Variants in TMEM117 observed in about 807,000 individuals in gnomAD.
The protein encoded by TMEM117 is transmembrane protein 117.
Under a neutral mutation model 52.4 loss-of-function variants are expected in TMEM117, and 27 were observed. The observed-to-expected ratio is 0.51, with a 90% CI of 0.38 to 0.71. TMEM117 has a LOEUF of 0.71. Among genes scored for constraint, TMEM117 ranks in the 30% least tolerant of loss-of-function variants. The pLI, the probability that TMEM117 is intolerant of heterozygous loss-of-function variation, is 0.00. For synonymous variants in TMEM117, 215 were observed against 206.3 expected (o/e 1.04, Z -0.36); for missense variants, 556 against 630.5 (o/e 0.88, Z 1.26).
At chr12:43,954,393 TAG>T (rs1945274223) in intron 3 of TMEM117, among the ~76,000 whole-genome samples, 1 of 151,104 alleles carries the variant, frequency 6.6e-6, no homozygotes, top group South Asian at 2.1e-4. Context: ...ATCAATAAAG[TAG>T]ATTGCTAGTG....
chr12:43,961,749 G>A (rs984795783), intron 3 of TMEM117, among the ~76,000 whole-genome samples: 3 of 152,076 alleles, frequency 2.0e-5, no homozygotes, highest in Admixed American at 1.3e-4. Flanking sequence ...GTGTGTATTC[G>A]TTATCTAGAG....
intron 3 of TMEM117, among the ~76,000 whole-genome samples, chr12:43,964,401 T>C (rs1276577690): frequency 6.6e-6 from 1 of 152,210 alleles, no homozygotes; most frequent in Non-Finnish European, 1.5e-5. Context: ...AGGGATTATA[T>C]ACTTCCTGAT....
chr12:44,214,665 A>C (rs1025901050), intron 5 of TMEM117, among the ~76,000 whole-genome samples: 1 of 152,212 alleles, frequency 6.6e-6, no homozygotes, highest in Non-Finnish European at 1.5e-5. Flanking sequence ...AATATATTAG[A>C]GAGATTGTTT....
At chr12:43,928,131 T>C (rs917148728) in intron 2 of TMEM117, among the ~76,000 whole-genome samples, 2 of 152,102 alleles carry the variant, frequency 1.3e-5, no homozygotes, top group African/African-American at 4.8e-5. Flanking sequence ...AAAAGCTAGC[T>C]ATTCTAAAGC....
chr12:43,840,715 C>G (rs553428241), intron 1 of TMEM117, among the ~76,000 whole-genome samples: 1 of 152,310 alleles, frequency 6.6e-6, no homozygotes, highest in East Asian at 1.9e-4. Flanking sequence ...GTGAGGGAGA[C>G]AAACACATAC....
intron 6 of TMEM117, among the ~76,000 whole-genome samples, chr12:44,355,977 T>C (rs1208492256): frequency 6.6e-6 from 1 of 151,924 alleles, no homozygotes; most frequent in Non-Finnish European, 1.5e-5. Flanking sequence ...AGCAGGTTCA[T>C]GGACATTGTC....
intron 3 of TMEM117, among the ~76,000 whole-genome samples, chr12:44,045,138 C>T (rs1565805488): frequency 6.6e-6 from 1 of 152,158 alleles, no homozygotes; most frequent in African/African-American, 2.4e-5. Context: ...CCCCAGTCAC[C>T]CCTGTCATTG....
chr12:43,956,229 T>C (rs1454409243), intron 3 of TMEM117, among the ~76,000 whole-genome samples: 1 of 152,164 alleles, frequency 6.6e-6, no homozygotes, highest in Non-Finnish European at 1.5e-5. Flanking sequence ...GACATAGGCA[T>C]GGGCAAAGAC....
Position 44,049,297 on chromosome 12 carries a change from C to T in TMEM117, c.411-94228C>T, listed in dbSNP as rs552677319. Among the ~76,000 whole-genome samples, 220 of 152,230 alleles carry T rather than the reference C, an allele frequency of 1.4e-3. 1 individual carries two copies. The highest frequency in any genetic ancestry group is 5.2e-3 in the African/African-American group (218 of 41,550). On this transcript the variant is annotated intron_variant, in intron 3 of 7. Coordinates refer to ENST00000266534, the MANE Select transcript of TMEM117 (RefSeq NM_032256.3). ...GGATGAAGCTGGAAGCCATCATCCT[C>T]AGCAAACTAACACAGGAACAGAAAA...
intron 2 of TMEM117, among the ~76,000 whole-genome samples, chr12:43,862,501 A>G (rs1420978534): frequency 3.9e-5 from 6 of 152,268 alleles, no homozygotes; most frequent in East Asian, 3.8e-4. Flanking sequence ...TAGAGTTGGC[A>G]TAACTCCAAG....
intron 4 of TMEM117, among the ~76,000 whole-genome samples, chr12:44,200,567 C>T (rs1949482015): frequency 1.3e-5 from 2 of 152,222 alleles, no homozygotes; most frequent in African/African-American, 2.4e-5. Context: ...TCTTAGAAAT[C>T]GCTTTAAATA....
At chr12:43,806,080 G>T in the TMEM117 span, 1 of 1,518,194 alleles carries the variant, frequency 6.6e-7, no homozygotes, top group East Asian at 2.5e-5. Context: ...AGCGCGGAGA[G>T]GCGCCGAGGC....
intron 6 of TMEM117, among the ~76,000 whole-genome samples, chr12:44,333,503 C>T (rs983531651): frequency 6.6e-6 from 1 of 151,904 alleles, no homozygotes; most frequent in Non-Finnish European, 1.5e-5. Context: ...GAGGCAGTTA[C>T]CCCCATGCTG....
chr12:44,291,341 C>A (rs1307595501), intron 5 of TMEM117, among the ~76,000 whole-genome samples: 3 of 139,362 alleles, frequency 2.2e-5, no homozygotes, highest in Non-Finnish European at 4.7e-5. Flanking sequence ...TTTTGTCCTG[C>A]AACTTTACTC....
At chr12:44,056,236 A>G (rs1339520383) in intron 3 of TMEM117, among the ~76,000 whole-genome samples, 1 of 152,078 alleles carries the variant, frequency 6.6e-6, no homozygotes, top group Non-Finnish European at 1.5e-5. Context: ...ACACCACTGC[A>G]CTCCATTGTA....
chr12:44,358,249 C>T (rs1333744820), intron 6 of TMEM117, among the ~76,000 whole-genome samples: 1 of 152,026 alleles, frequency 6.6e-6, no homozygotes, highest in African/African-American at 2.4e-5. Context: ...CAGGATCAAT[C>T]ATACCACAAA....
chr12:44,396,373 A>T, the TMEM117 span, among the ~76,000 whole-genome samples: 1 of 152,030 alleles, frequency 6.6e-6, no homozygotes, highest in Non-Finnish European at 1.5e-5. Context: ...TTTATCTATT[A>T]TAGTATCTTT....
In TMEM117 at chr12:44,034,259, T is replaced by C. The variant is rs1393236019; in HGVS notation, c.410+89917T>C. Among the ~76,000 whole-genome samples the C allele has an allele frequency of 2.6e-5, 4 of 152,110 alleles. No homozygotes were observed. In the East Asian group the frequency reaches 7.7e-4, roughly 29 times the overall value. ...AGCTACAACAAACATCCTTTTATATTAGTAGCCAAGAAAGTAAAGGAAATT... is the reference window on the plus strand; with the variant it reads ...AGCTACAACAAACATCCTTTTATATCAGTAGCCAAGAAAGTAAAGGAAATT... On this transcript the variant is annotated intron_variant, in intron 3 of 7. Coordinates refer to ENST00000266534, the MANE Select transcript of TMEM117 (RefSeq NM_032256.3).
intron 3 of TMEM117, among the ~76,000 whole-genome samples, chr12:44,142,306 G>C (rs1010027984): frequency 6.6e-6 from 1 of 152,100 alleles, no homozygotes; most frequent in African/African-American, 2.4e-5. Context: ...CAGAATTTTG[G>C]GGTTGTCCTT....
Sources: allele counts gnomAD v4.1 joint callset (sites outside exome capture counted in the v4.1 genomes callset), GRCh38; gene constraint gnomAD v4.1.1; transcripts MANE v1.5; gene names NCBI Gene and HGNC (gene_info 2026-07-23, HGNC 2026-07-21).